DNAH9: variants seen among roughly 807,000 people sequenced by gnomAD.
DNAH9 encodes DNAH9 variant protein.
DNAH9 carries 345 observed loss-of-function variants against 471.6 expected under a neutral mutation model. The ratio of observed to expected loss-of-function variants is 0.73; its 90% CI spans 0.67 to 0.80. The LOEUF is 0.80. DNAH9 is among the 30% of genes least tolerant of loss of function. The pLI, the probability that DNAH9 is intolerant of heterozygous loss-of-function variation, is 0.00. For synonymous variants in DNAH9, 2,093 were observed against 2,123.6 expected (o/e 0.99, Z 0.40); for missense variants, 5,407 against 5,609.2 (o/e 0.96, Z 1.15).
chr17:11,614,134 G>A (rs2072693371), intron 4 of DNAH9, among the ~76,000 whole-genome samples: 2 of 152,182 alleles, frequency 1.3e-5, no homozygotes, highest in African/African-American at 4.8e-5. Flanking sequence ...GTTAGGTAGA[G>A]ACTTGGTCAG....
intron 49 of DNAH9, among the ~76,000 whole-genome samples, chr17:11,850,137 G>C (rs796394186): frequency 2.6e-5 from 4 of 152,320 alleles, no homozygotes; most frequent in African/African-American, 9.6e-5. Context: ...AGTAGAGTAG[G>C]AGAAGCAATG....
At chr17:11,749,181 T>G (rs1199489521) in intron 32 of DNAH9, among the ~76,000 whole-genome samples, 1 of 149,398 alleles carries the variant, frequency 6.7e-6, no homozygotes, top group African/African-American at 2.5e-5. Context: ...GCCTCCCAGG[T>G]TCACGCCATT....
chr17:11,823,383 C>T (rs1970382429), intron 48 of DNAH9, among the ~76,000 whole-genome samples: 1 of 152,168 alleles, frequency 6.6e-6, no homozygotes, highest in Non-Finnish European at 1.5e-5. Context: ...CCCTGAAGCA[C>T]CTCTTCCCTC....
chr17:11,861,455 T>C (rs1349924119), intron 50 of DNAH9, among the ~76,000 whole-genome samples: 1 of 152,008 alleles, frequency 6.6e-6, no homozygotes, highest in Non-Finnish European at 1.5e-5. Context: ...TCCAAGTCTT[T>C]GCTATTGTGA....
chr17:11,903,736 C>A (rs1208189691), intron 60 of DNAH9, among the ~76,000 whole-genome samples: 4 of 152,026 alleles, frequency 2.6e-5, no homozygotes, highest in African/African-American at 9.7e-5. Flanking sequence ...ATGGTGAAAC[C>A]CTGTCCTACT....
At chr17:11,888,568 T>C (rs962653259) in intron 57 of DNAH9, among the ~76,000 whole-genome samples, 3 of 152,180 alleles carry the variant, frequency 2.0e-5, no homozygotes, top group Non-Finnish European at 4.4e-5. Flanking sequence ...TGTCCTGATA[T>C]AGGAGGTTCT....
chr17:11,954,754 G>A (rs1021906076), intron 67 of DNAH9, among the ~76,000 whole-genome samples: 14 of 142,266 alleles, frequency 9.8e-5, no homozygotes, highest in East Asian at 4.1e-4. Flanking sequence ...TGGGCAACAC[G>A]GCAAGACTTC....
intron 41 of DNAH9, among the ~76,000 whole-genome samples, chr17:11,793,100 A>C (rs1969120519): frequency 6.6e-6 from 1 of 152,236 alleles, no homozygotes; most frequent in South Asian, 2.1e-4. Flanking sequence ...TGAGTATGTA[A>C]AATGAACAAT....
At chr17:11,750,031 T>G (rs1967083028) in intron 32 of DNAH9, among the ~76,000 whole-genome samples, 1 of 152,168 alleles carries the variant, frequency 6.6e-6, no homozygotes, top group African/African-American at 2.4e-5. Context: ...TAGTTAAAAT[T>G]TTATTAGATT....
intron 1 of DNAH9, among the ~76,000 whole-genome samples, chr17:11,600,758 A>G (rs907688736): frequency 6.6e-6 from 1 of 152,238 alleles, no homozygotes; most frequent in Non-Finnish European, 1.5e-5. Flanking sequence ...CTGGGATTAC[A>G]GGTGTGAGCC....
chr17:11,676,231 A>G (rs965500018), intron 17 of DNAH9, among the ~76,000 whole-genome samples: 4 of 150,488 alleles, frequency 2.7e-5, no homozygotes, highest in African/African-American at 9.8e-5. Flanking sequence ...TCAACTGTTT[A>G]ATCTCTGCAA....
At chr17:11,834,016 A>C (rs190813708) in intron 48 of DNAH9, among the ~76,000 whole-genome samples, 2 of 152,146 alleles carry the variant, frequency 1.3e-5, no homozygotes, top group African/African-American at 4.8e-5. Context: ...GAAGCAGCCT[A>C]AGCTGTTTTG....
chr17:11,704,100 A>T (rs908445246), intron 24 of DNAH9, 103 bp from the exon 25 acceptor site: 77 of 1,320,062 alleles, frequency 5.8e-5, no homozygotes, highest in Non-Finnish European at 7.5e-5. Flanking sequence ...GATGGGGCTC[A>T]TGTCACCCAC....
chr17:11,711,686 A>G (rs10153261), intron 26 of DNAH9, among the ~76,000 whole-genome samples: 129,353 of 150,580 alleles, frequency 0.86, 58,186 homozygotes, highest in Non-Finnish European at 0.98. Context: ...TTTGATTGGC[A>G]TGCCTTAATA....
chr17:11,651,748 C>G (rs925656508), intron 13 of DNAH9, among the ~76,000 whole-genome samples: 19 of 152,124 alleles, frequency 1.2e-4, no homozygotes, highest in African/African-American at 4.6e-4. Context: ...TTAATACGCG[C>G]AGGGTACTGT....
At chr17:11,746,592 A>T (rs1489111688) in intron 31 of DNAH9, among the ~76,000 whole-genome samples, 1 of 152,080 alleles carries the variant, frequency 6.6e-6, no homozygotes, top group Non-Finnish European at 1.5e-5. Flanking sequence ...CCATGATCCA[A>T]CCACCTCCCA....
Position 11,730,954 on chromosome 17 carries a change from A to ATGGTGG in DNAH9, c.5814+3038_5814+3043dup, listed in dbSNP as rs532307979. On this transcript the variant is annotated intron_variant, in intron 28 of 68. Coordinates refer to ENST00000262442, the MANE Select transcript of DNAH9 (RefSeq NM_001372.4). Reference sequence around the variant, plus strand: ...GGTGGTGATGACGGTGATGATGATGATGGTGGTGGTGATGATGGTGATGAT... The same window carrying ATGGTGG: ...GGTGGTGATGACGGTGATGATGATGATGGTGGTGGTGGTGGTGATGATGGTGATGAT... Among the ~76,000 whole-genome samples the ATGGTGG allele has an allele frequency of 3.0e-3, 172 of 57,946 alleles. 1 individual carries two copies. Among genetic ancestry groups the ATGGTGG allele is most frequent in the African/African-American group, 7.5e-3 (158 of 21,128 alleles). 38.0% of individuals were successfully genotyped at this position (57,946 alleles called of 152,430 possible).
chr17:11,739,210 T>G lies in DNAH9; in HGVS notation c.5972+173T>G, dbSNP rs372783472. ...AGTAAAATTGCTTTTTGCTTAATTG[T>G]GTTCTGTTCTCCTCTGTATATACAT... is the stretch of plus-strand genomic sequence containing the variant. On this transcript the variant is annotated intron_variant, in intron 29 of 68. Transcript: ENST00000262442. Among the ~76,000 whole-genome samples the G allele has an allele frequency of 2.7e-4, 41 of 152,386 alleles. No homozygotes were observed. The South Asian group carries it at 4.6e-3, about 17-fold the overall frequency.
At chr17:11,778,363 GAAAA>G (rs1193822251) in intron 38 of DNAH9, among the ~76,000 whole-genome samples, 53 of 71,764 alleles carry the variant, frequency 7.4e-4, no homozygotes, top group African/African-American at 1.9e-3. Flanking sequence ...AAAAAAAAAA[GAAAA>G]GGGAAGAAAA....
Sources: gnomAD v4.1 joint callset for allele counts (sites outside exome capture counted in the v4.1 genomes callset) on GRCh38, gnomAD v4.1.1 for gene constraint, MANE v1.5 for transcripts, NCBI Gene and HGNC (gene_info 2026-07-23, HGNC 2026-07-21) for gene names.